Variants in TAAR1 observed in about 807,000 individuals in gnomAD.
TAAR1 encodes trace amine-associated receptor 1.
In TAAR1, 1 loss-of-function variant was observed where a neutral mutation model predicts 1.2. That is an observed-to-expected ratio of 0.81 (90% confidence interval 0.29 to 3.86). The LOEUF (loss-of-function observed/expected upper bound fraction) is 3.86, where lower values mean the gene tolerates loss of function less well. TAAR1 is among the 30% of genes most tolerant of loss of function. The pLI is 0.18. For synonymous variants in TAAR1, 153 were observed against 132.2 expected (o/e 1.16, Z -1.08); for missense variants, 445 against 405.6 (o/e 1.10, Z -0.83).
chr6:132,645,047 C>T lies in TAAR1; in HGVS notation c.957G>A (p.Leu319=). 1 of 1,593,760 alleles carries T rather than the reference C, an allele frequency of 6.3e-7. No homozygotes were observed. The change falls in exon 2 of 2, where the codon CTG becomes CTA. Residue 319 remains leucine (L), a synonymous_variant. Coordinates refer to ENST00000275216, the MANE Select transcript of TAAR1 (RefSeq NM_138327.4). Reference sequence around the variant, plus strand: ...AATCTTTTTGGAAAATTTTACCAAACAGCATCATCTTCAGTGCTTTTCTAA... The same window carrying T: ...AATCTTTTTGGAAAATTTTACCAAATAGCATCATCTTCAGTGCTTTTCTAA... ...PWFRKALKMM[L]FGKIFQKDSS...
At chr6:132,646,174 T>C (rs1423600869) in intron 1 of TAAR1, among the ~76,000 whole-genome samples, 45 bp from the exon 2 acceptor site, 21 of 152,166 alleles carry the variant, frequency 1.4e-4, no homozygotes, top group Admixed American at 1.3e-3. Context: ...ATTTGAGTCC[T>C]CTCACTTCTA....
At chr6:132,651,786 C>T (rs1302377073) in intron 1 of TAAR1, among the ~76,000 whole-genome samples, 1 of 152,174 alleles carries the variant, frequency 6.6e-6, no homozygotes, top group East Asian at 1.9e-4. Context: ...ATAAATTCTT[C>T]CAGAATGGTA....
rs760497917 is a variant in TAAR1 at position 132,645,604 on chromosome 6, T to C, written c.400A>G (p.Lys134Glu). 1.0e-4 allele frequency: 164 copies of C among 1,613,576 alleles called. No homozygotes were observed. Among genetic ancestry groups the C allele is most frequent in the Non-Finnish European group, 1.4e-4 (164 of 1,179,842 alleles). The change falls in exon 2 of 2, where the codon AAG becomes GAG. Residue 134 changes from lysine to glutamate, a missense_variant. Transcript: ENST00000275216. ...AVCDPLRYKAKMNILVICVMI... is the reference protein window; with the variant it reads ...AVCDPLRYKAEMNILVICVMI... ...ACACAAATAACCAAGATATTCATCT[T>C]GGCTTTATATCTCAGTGGATCACAC...
intron 1 of TAAR1, among the ~76,000 whole-genome samples, chr6:132,650,363 A>G (rs1285206751): frequency 6.6e-6 from 1 of 152,184 alleles, no homozygotes; most frequent in East Asian, 1.9e-4. Context: ...GCTAAATTTG[A>G]ACACTGGTTA....
In TAAR1 at chr6:132,645,501, G is replaced by C. The variant is rs776225442; in HGVS notation, c.503C>G (p.Ala168Gly). 1.2e-5 allele frequency: 20 copies of C among 1,613,720 alleles called. No individual in the cohort carries two copies. Among genetic ancestry groups the C allele is most frequent in the Non-Finnish European group, 1.6e-5 (19 of 1,179,848 alleles). The change falls in exon 2 of 2, where the codon GCT becomes GGT. Residue 168 changes from alanine (A) to glycine (G), a missense_variant. Coordinates refer to ENST00000275216, the MANE Select transcript of TAAR1 (RefSeq NM_138327.4). Reference protein sequence around the residue: ...MIFLELNFKGAEEIYYKHVHC... With the variant: ...MIFLELNFKGGEEIYYKHVHC... ...AACATGTTTGTAATATATCTCTTCA[G>C]CGCCTTTGAAGTTTAGCTCCAGAAA... is the stretch of plus-strand genomic sequence containing the variant.
chr6:132,656,734 G>A (rs1462627100), intron 1 of TAAR1, among the ~76,000 whole-genome samples: 1 of 152,124 alleles, frequency 6.6e-6, no homozygotes, highest in Non-Finnish European at 1.5e-5. Context: ...AAGGAAAGAA[G>A]TTCAGGCTAG....
At chr6:132,646,300 G>A (rs192271382) in intron 1 of TAAR1, among the ~76,000 whole-genome samples, 171 bp from the exon 2 acceptor site, 15 of 152,188 alleles carry the variant, frequency 9.9e-5, no homozygotes, top group Admixed American at 9.8e-4. Flanking sequence ...CCTGGAGCTG[G>A]ACATTCTTCT....
At chr6:132,658,051 A>G (rs936597175) in intron 1 of TAAR1, among the ~76,000 whole-genome samples, 2 of 152,118 alleles carry the variant, frequency 1.3e-5, no homozygotes, top group African/African-American at 4.8e-5. Context: ...CTTTTACTAA[A>G]TTACTGAACT....
intron 1 of TAAR1, among the ~76,000 whole-genome samples, chr6:132,647,549 GA>G (rs1301007525): frequency 8.3e-6 from 1 of 120,918 alleles, no homozygotes; most frequent in African/African-American, 3.7e-5. Context: ...AAGGAAGAAA[GA>G]AAAAAGAAAG....
chr6:132,656,557 A>G (rs991843580), intron 1 of TAAR1, among the ~76,000 whole-genome samples: 4 of 152,206 alleles, frequency 2.6e-5, no homozygotes, highest in African/African-American at 9.6e-5. Flanking sequence ...AAAAGGGAAT[A>G]AAGAATTGAA....
At chr6:132,650,056 T>G (rs1408063824) in intron 1 of TAAR1, among the ~76,000 whole-genome samples, 2 of 152,192 alleles carry the variant, frequency 1.3e-5, no homozygotes, top group Non-Finnish European at 2.9e-5. Flanking sequence ...TAGACTCGCC[T>G]CCATCTCATC....
chr6:132,647,772 A>T (rs1777703925), intron 1 of TAAR1, among the ~76,000 whole-genome samples: 1 of 152,128 alleles, frequency 6.6e-6, no homozygotes, highest in African/African-American at 2.4e-5. Context: ...ATAGTCTATC[A>T]CTTTGGTAGG....
intron 1 of TAAR1, among the ~76,000 whole-genome samples, 43 bp from the exon 2 acceptor site, chr6:132,646,172 C>T (rs925140195): frequency 1.3e-5 from 2 of 152,074 alleles, no homozygotes; most frequent in African/African-American, 2.4e-5. Flanking sequence ...CAATTTGAGT[C>T]CTCTCACTTC....
chr6:132,653,541 A>C (rs867695393), intron 1 of TAAR1, among the ~76,000 whole-genome samples: 9 of 152,288 alleles, frequency 5.9e-5, no homozygotes, highest in Middle Eastern at 6.8e-3. Context: ...ACATAATGCT[A>C]AATTGGAGAC....
chr6:132,647,641 AAAGAAAGAAAGAAAGAAAGAAAG>A (rs1777696822), intron 1 of TAAR1, among the ~76,000 whole-genome samples: 1 of 134,846 alleles, frequency 7.4e-6, no homozygotes, highest in Non-Finnish European at 1.5e-5. Context: ...AGAAAGAAAG[AAAGAAAGAAAGAAAGAAAGAAAG>A]AAAGAAAGAA....
chr6:132,648,227 C>T (rs1777709111), intron 1 of TAAR1, among the ~76,000 whole-genome samples: 1 of 152,020 alleles, frequency 6.6e-6, no homozygotes, highest in African/African-American at 2.4e-5. Flanking sequence ...TTCCTTCTTT[C>T]TTTTACTTAT....
At chr6:132,656,833 A>G (rs1777808710) in intron 1 of TAAR1, among the ~76,000 whole-genome samples, 1 of 152,206 alleles carries the variant, frequency 6.6e-6, no homozygotes, top group Non-Finnish European at 1.5e-5. Flanking sequence ...CAATTCAACA[A>G]TCCTATATGC....
chr6:132,658,758 A>G (rs1352837635), intron 1 of TAAR1, among the ~76,000 whole-genome samples: 1 of 152,244 alleles, frequency 6.6e-6, no homozygotes, highest in Non-Finnish European at 1.5e-5. Context: ...TGTACACAGC[A>G]TAGAATTTCT....
At chr6:132,657,339 C>T (rs769686652) in intron 1 of TAAR1, among the ~76,000 whole-genome samples, 6 of 149,444 alleles carry the variant, frequency 4.0e-5, no homozygotes, top group East Asian at 1.9e-4. Flanking sequence ...GTAATAGCAA[C>T]GAAAGAAAAA....
Sources: allele counts gnomAD v4.1 joint callset (sites outside exome capture counted in the v4.1 genomes callset), GRCh38; gene constraint gnomAD v4.1.1; transcripts MANE v1.5; gene names NCBI Gene and HGNC (gene_info 2026-07-23, HGNC 2026-07-21).